The following ALDH18A1 variants were observed in gnomAD, a reference collection of about 807,000 sequenced individuals.
The protein encoded by ALDH18A1 is delta-1-pyrroline-5-carboxylate synthase.
In ALDH18A1, 44 loss-of-function variants were observed where a neutral mutation model predicts 88.8. That is an observed-to-expected ratio of 0.50 (90% CI 0.39 to 0.64). ALDH18A1 has a LOEUF of 0.64. Among genes scored for constraint, ALDH18A1 ranks in the 30% least tolerant of loss-of-function variants. The probability of loss-of-function intolerance (pLI) is 0.00; values close to 1 mark genes in which losing one functional copy is unlikely to be tolerated. For missense variants in ALDH18A1, 782 were observed against 1,009.5 expected (o/e 0.77, Z 3.05); for synonymous variants, 331 against 372.1 (o/e 0.89, Z 1.27).
chr10:95,643,842 T>C (rs1203647871), intron 2 of ALDH18A1, among the ~76,000 whole-genome samples: 1 of 152,118 alleles, frequency 6.6e-6, no homozygotes, highest in Non-Finnish European at 1.5e-5. Flanking sequence ...ACCATATTAC[T>C]ATAAAAAGAG....
chr10:95,634,121 GATTT>G (rs1478848333), intron 5 of ALDH18A1, among the ~76,000 whole-genome samples: 3 of 152,152 alleles, frequency 2.0e-5, no homozygotes, highest in Admixed American at 6.5e-5. Flanking sequence ...TAATCTGAAA[GATTT>G]ATTTAAGAAT....
chr10:95,621,024 T>C lies in ALDH18A1; in HGVS notation c.1467+7A>G. 1 of 1,613,448 alleles carries C rather than the reference T, an allele frequency of 6.2e-7. No homozygotes were observed. The highest frequency in any genetic ancestry group is 8.5e-7 in the Non-Finnish European group (1 of 1,179,726). ...AGGGTATTTATTCTCCCGGGGTATA[T>C]ACACACCTGGGGTAGACAGTCAGGA... On this transcript the variant is annotated splice_region_variant and intron_variant, in intron 12 of 17. Transcript: ENST00000371224.
At chr10:95,626,169 A>G (rs1272381870) in intron 10 of ALDH18A1, among the ~76,000 whole-genome samples, 2 of 152,142 alleles carry the variant, frequency 1.3e-5, no homozygotes, top group Non-Finnish European at 2.9e-5. Context: ...TCACTAGTAT[A>G]AACCCACACA....
chr10:95,622,389 A>AG (rs1024808323), intron 11 of ALDH18A1, among the ~76,000 whole-genome samples: 16 of 152,170 alleles, frequency 1.1e-4, no homozygotes, highest in Admixed American at 5.9e-4. Flanking sequence ...TTGTAGAGAT[A>AG]GGGGGTCTCA....
chr10:95,621,928 C>T (rs1418432061), intron 11 of ALDH18A1, among the ~76,000 whole-genome samples: 1 of 152,096 alleles, frequency 6.6e-6, no homozygotes, highest in Non-Finnish European at 1.5e-5. Context: ...TCTAGGTTCA[C>T]TGACATGGAG....
chr10:95,610,071 GT>G lies in ALDH18A1; in HGVS notation c.2206+125del, dbSNP rs1428026806. On this transcript the variant is annotated intron_variant, in intron 17 of 17. Transcript: ENST00000371224. ...AGGCGTGAGCCACGGCACCCAGCCT[GT>G]TTCTCTCTTATCTTGACCAAGCATG... The G allele has an allele frequency of 1.0e-5, 10 of 957,900 alleles. No homozygotes were observed. The African/African-American group carries it at 1.5e-4, about 14-fold the overall frequency. The allele number at this position is 957,900 out of a possible 1,614,324, so 59.3% of individuals were successfully genotyped here.
At chr10:95,624,259 C>G (rs1417365180) in intron 11 of ALDH18A1, among the ~76,000 whole-genome samples, 5 of 152,212 alleles carry the variant, frequency 3.3e-5, no homozygotes, top group Admixed American at 6.6e-5. Flanking sequence ...TATGCATGTT[C>G]AGAGAGGTAT....
Position 95,633,491 on chromosome 10 carries a change from A to G in ALDH18A1, c.717T>C (p.Asn239=), listed in dbSNP as rs1259124116. The G allele has an allele frequency of 6.2e-7, 1 of 1,613,996 alleles. No homozygotes were observed. Among genetic ancestry groups the G allele is most frequent in the South Asian group, 1.1e-5 (1 of 91,072 alleles). Residue 239 remains asparagine, a splice_region_variant and synonymous_variant, in exon 6 of 18, where the codon AAT becomes AAC. Transcript: ENST00000371224. ...AAACCCTTAGAAATACTTTACCCAC[A>G]TTTACCCCCTGCAGGTCACTGTTGG... is the stretch of plus-strand genomic sequence containing the variant. The part of the protein sequence containing the change: ...AEPNSDLQGV[N]VISVKDNDSL...
At chr10:95,630,456 T>A (rs1404007542) in intron 7 of ALDH18A1, among the ~76,000 whole-genome samples, 1 of 152,246 alleles carries the variant, frequency 6.6e-6, no homozygotes, top group Non-Finnish European at 1.5e-5. Context: ...CTCATGCCTG[T>A]AATCCCAGTG....
intron 5 of ALDH18A1, among the ~76,000 whole-genome samples, chr10:95,635,777 C>G (rs1223029943): frequency 6.6e-6 from 1 of 152,060 alleles, no homozygotes; most frequent in Non-Finnish European, 1.5e-5. Context: ...TTAATGCTAC[C>G]ATCATTCAAA....
Position 95,621,196 on chromosome 10 carries a change from G to C in ALDH18A1, c.1302C>G (p.Asn434Lys). The C allele has an allele frequency of 6.2e-7, 1 of 1,614,072 alleles. No individual in the cohort carries two copies. ...KRLSLSTSKL[N>K]SLAIGLRQIA... Reference sequence around the variant, plus strand: ...TCTGTCGCAGACCGATGGCCAGGCTGTTCAATTTGGATGTGGAGAGGCTTA... The same window carrying C: ...TCTGTCGCAGACCGATGGCCAGGCTCTTCAATTTGGATGTGGAGAGGCTTA... Residue 434 changes from asparagine to lysine, a missense_variant, in exon 12 of 18, where the codon AAC becomes AAG. Coordinates refer to ENST00000371224, the MANE Select transcript of ALDH18A1 (RefSeq NM_002860.4).
At chr10:95,626,674 A>AGTT in intron 10 of ALDH18A1, 29 bp downstream of exon 10, 1 of 1,609,890 alleles carries the variant, frequency 6.2e-7, no homozygotes, top group Non-Finnish European at 8.5e-7. Context: ...TCTGAAAACT[A>AGTT]TAACAATATT....
rs1416597604 is a variant in ALDH18A1 at position 95,616,411 on chromosome 10, C to A, written c.1605+66G>T. On this transcript the variant is annotated intron_variant, in intron 13 of 17. Coordinates refer to ENST00000371224, the MANE Select transcript of ALDH18A1 (RefSeq NM_002860.4). Reference sequence around the variant, plus strand: ...TTGGCTCTGTGTGGCCTAAGTTTTGCTTTAAATTCCCAAACACCTGATCTG... The same window carrying A: ...TTGGCTCTGTGTGGCCTAAGTTTTGATTTAAATTCCCAAACACCTGATCTG... 1.9e-6 allele frequency: 3 copies of A among 1,548,216 alleles called. No homozygotes were observed. The African/African-American group carries it at 4.1e-5, about 21-fold the overall frequency.
chr10:95,618,018 C>T (rs1235207072), intron 12 of ALDH18A1, among the ~76,000 whole-genome samples: 1 of 152,184 alleles, frequency 6.6e-6, no homozygotes, highest in African/African-American at 2.4e-5. Flanking sequence ...AGAGAGTACC[C>T]TTCACAGAGC....
intron 1 of ALDH18A1, chr10:95,656,331 C>T (rs2097918018): frequency 6.6e-6 from 1 of 152,414 alleles, no homozygotes; most frequent in Non-Finnish European, 1.5e-5. Context: ...GGCCCGTAGC[C>T]ATCCGTAGAT....
Position 95,637,353 on chromosome 10 carries a change from A to G in ALDH18A1, c.387T>C (p.His129=), listed in dbSNP as rs1566031505. ...GCACGCTCTGAGACAGAAGGATCTCATGGCGCAAGCGTTGTTTGCCAAAGG... is the reference window on the plus strand; with the variant it reads ...GCACGCTCTGAGACAGAAGGATCTCGTGGCGCAAGCGTTGTTTGCCAAAGG... ...AVAFGKQRLR[H]EILLSQSVRQ... The change falls in exon 4 of 18, where the codon CAT becomes CAC. Residue 129 remains histidine, a synonymous_variant. Coordinates refer to ENST00000371224, the MANE Select transcript of ALDH18A1 (RefSeq NM_002860.4). The G allele has an allele frequency of 6.2e-7, 1 of 1,613,226 alleles. No homozygotes were observed. Among genetic ancestry groups the G allele is most frequent in the Non-Finnish European group, 8.5e-7 (1 of 1,179,144 alleles).
chr10:95,619,873 C>T (rs1429822068), intron 12 of ALDH18A1, among the ~76,000 whole-genome samples: 1 of 152,132 alleles, frequency 6.6e-6, no homozygotes, highest in African/African-American at 2.4e-5. Flanking sequence ...AGGACATAGG[C>T]ATGGGCAAGG....
intron 15 of ALDH18A1, among the ~76,000 whole-genome samples, chr10:95,612,550 G>C (rs988302357): frequency 2.0e-5 from 3 of 152,110 alleles, no homozygotes; most frequent in Non-Finnish European, 4.4e-5. Flanking sequence ...TGTGTTCCTT[G>C]GGGACTGGAA....
At chr10:95,617,819 G>A (rs765078427) in intron 12 of ALDH18A1, among the ~76,000 whole-genome samples, 5 of 152,230 alleles carry the variant, frequency 3.3e-5, no homozygotes, top group South Asian at 2.1e-4. Context: ...GAAATTTCAC[G>A]GATACAGTCC....
Sources: gnomAD v4.1 joint callset for allele counts (sites outside exome capture counted in the v4.1 genomes callset) on GRCh38, gnomAD v4.1.1 for gene constraint, MANE v1.5 for transcripts, NCBI Gene and HGNC (gene_info 2026-07-23, HGNC 2026-07-21) for gene names.